Variants in ZNF783 observed in about 807,000 individuals in gnomAD.
ZNF783 encodes the protein zinc finger protein 783.
Under a neutral mutation model 31.3 loss-of-function variants are expected in ZNF783, and 25 were observed. The observed-to-expected ratio is 0.80, with a 90% CI of 0.58 to 1.11. The LOEUF is 1.11. Among genes scored for constraint, ZNF783 ranks in the 50% most tolerant of loss-of-function variants. The pLI, the probability that ZNF783 is intolerant of heterozygous loss-of-function variation, is 0.00. For synonymous variants in ZNF783, 369 were observed against 319.1 expected, an observed-to-expected ratio of 1.16 and a Z score of -1.66; for missense variants, 797 against 760.0, an observed-to-expected ratio of 1.05 and a Z score of -0.57.
chr7:149,281,185 G>A (rs1297575491), intron 5 of ZNF783, among the ~76,000 whole-genome samples: 1 of 152,212 alleles, frequency 6.6e-6, no homozygotes, highest in Non-Finnish European at 1.5e-5. Flanking sequence ...CTGTGCCCAG[G>A]GTCTCTGCTT....
intron 4 of ZNF783, among the ~76,000 whole-genome samples, chr7:149,274,706 T>G (rs529693951): frequency 1.2e-3 from 181 of 152,364 alleles, no homozygotes; most frequent in Non-Finnish European, 2.1e-3. Flanking sequence ...ATGAGTTAGC[T>G]GTAGATGTAT....
rs377453479 is a variant in ZNF783, at chr7:149,281,556, C to A, written c.854C>A (p.Pro285His). Residue 285 changes from proline (P) to histidine (H), a missense_variant, in exon 6 of 6, where the codon CCT becomes CAT. Coordinates refer to ENST00000434415, the MANE Select transcript of ZNF783 (RefSeq NM_001195220.2). ...GCACAGTCTGAAGACGAGATGACGCCTGAGCGGCTCTTTCTGGGGGTGTCC... is the reference window on the plus strand; with the variant it reads ...GCACAGTCTGAAGACGAGATGACGCATGAGCGGCTCTTTCTGGGGGTGTCC... ...TEAQSEDEMT[P>H]ERLFLGVSRG... is the part of the protein sequence containing the mutation. 8.1e-6 allele frequency: 12 copies of A among 1,487,710 alleles called. No homozygotes were observed. Among genetic ancestry groups the A allele is most frequent in the Non-Finnish European group, 1.1e-5 (12 of 1,132,288 alleles). 92.2% of individuals were successfully genotyped at this position (1,487,710 alleles called of 1,614,324 possible).
intron 5 of ZNF783, among the ~76,000 whole-genome samples, chr7:149,280,141 G>C (rs1333232571): frequency 2.5e-5 from 3 of 119,184 alleles, no homozygotes; most frequent in African/African-American, 5.9e-5. Context: ...CTGGCCGGGC[G>C]GGGGGCTGAC....
At chr7:149,269,377 T>C (rs112760702) in intron 4 of ZNF783, among the ~76,000 whole-genome samples, 5,488 of 152,342 alleles carry the variant, frequency 0.036, 170 homozygotes, top group African/African-American at 0.082. Context: ...GTTGTCAGCT[T>C]ACTCTGTTGG....
At chr7:149,281,085 GC>G (rs1199365138) in intron 5 of ZNF783, among the ~76,000 whole-genome samples, 1 of 152,200 alleles carries the variant, frequency 6.6e-6, no homozygotes, top group Non-Finnish European at 1.5e-5. Context: ...TGGTCTGGGG[GC>G]ATGCAGGGCC....
At position 149,281,519 on chromosome 7, in the gene ZNF783, A is replaced by T; in HGVS notation, c.817A>T (p.Ile273Phe). ...TCCTTTGCCAGGTGGTGGTGTGGCC[A>T]TCAAGACAGAGGCACAGTCTGAAGA... The part of the protein sequence containing the change: ...AGPEAGGGVA[I>F]KTEAQSEDEM... The change falls in exon 6 of 6, where the codon ATC becomes TTC. Residue 273 changes from isoleucine to phenylalanine, a missense_variant. Transcript: ENST00000434415. The T allele has an allele frequency of 6.9e-7, 1 of 1,451,114 alleles. No homozygotes were observed. Among genetic ancestry groups the T allele is most frequent in the South Asian group, 1.5e-5 (1 of 67,724 alleles). 89.9% of individuals were successfully genotyped at this position (1,451,114 alleles called of 1,614,324 possible). A position where few individuals can be genotyped will look rare whatever the true frequency, so the allele number is the denominator to read the frequency against.
intron 4 of ZNF783, chr7:149,276,470 T>C: frequency 1.0e-6 from 1 of 985,686 alleles, no homozygotes; most frequent in African/African-American, 1.7e-5. Flanking sequence ...GTGTAACCCG[T>C]TGGTTTATAA....
intron 4 of ZNF783, chr7:149,276,461 T>C (rs1360949172): frequency 1.6e-5 from 16 of 985,722 alleles, no homozygotes; most frequent in Non-Finnish European, 1.9e-5. Context: ...TTAGGGGCAG[T>C]GTAACCCGTT....
At position 149,282,196 on chromosome 7, in the gene ZNF783, G is replaced by T. The variant is rs1158592667; in HGVS notation, c.1494G>T (p.Gln498His). 6.2e-7 allele frequency: 1 copy of T among 1,600,254 alleles called. No homozygotes were observed. Among genetic ancestry groups the T allele is most frequent in the Non-Finnish European group, 8.5e-7 (1 of 1,179,558 alleles). The part of the protein sequence containing the change: ...HTGERPYQCP[Q>H]CGRTFNRNHH... ...GTGAGCGGCCCTACCAGTGCCCCCA[G>T]TGTGGCCGGACCTTCAACCGCAACC... The change falls in exon 6 of 6, where the codon CAG becomes CAT. Residue 498 changes from glutamine to histidine, a missense_variant. Transcript: ENST00000434415.
At chr7:149,281,460 G>T in intron 5 of ZNF783, 45 bp from the exon 6 acceptor site, 1 of 1,415,854 alleles carries the variant, frequency 7.1e-7, no homozygotes, top group South Asian at 1.6e-5. Context: ...CTGGGGGACA[G>T]GGTGGTGAGG....
chr7:149,281,361 C>G (rs1049184244), intron 5 of ZNF783, 144 bp from the exon 6 acceptor site: 2 of 572,106 alleles, frequency 3.5e-6, no homozygotes, highest in Non-Finnish European at 5.4e-6. Flanking sequence ...TGGCAGGGCT[C>G]AGTGAGCAGG....
intron 1 of ZNF783, among the ~76,000 whole-genome samples, chr7:149,264,998 AGTGGGGGAGAAG>A (rs1251551034): frequency 5.5e-5 from 8 of 145,166 alleles, no homozygotes; most frequent in African/African-American, 2.0e-4. Flanking sequence ...GAAGGCTGGA[AGTGGGGGAGAAG>A]GCTGGAAGTG....
At position 149,283,905 on chromosome 7, in the gene ZNF783, G is replaced by A. The variant is rs893613535; in HGVS notation, c.*1562G>A. The A allele has an allele frequency of 1.3e-5, 2 of 152,178 alleles. No individual in the cohort carries two copies. Among genetic ancestry groups the A allele is most frequent in the African/African-American group, 4.8e-5 (2 of 41,424 alleles). 9.4% of individuals were successfully genotyped at this position (152,178 alleles called of 1,614,324 possible). On this transcript the variant is annotated 3_prime_UTR_variant, in exon 6 of 6. Transcript: ENST00000434415. ...TTTCCTGTCAGAATCCCTCAGGAAG[G>A]ACCTTTATCTTCTGGAGTGAGTGGC... is the stretch of plus-strand genomic sequence containing the variant.
rs565916777 is a variant in ZNF783 at position 149,262,488 on chromosome 7, C to T, written c.24+131C>T. The T allele has an allele frequency of 9.7e-4, 761 of 788,562 alleles. 4 individuals carry two copies. The African/African-American group carries it at 0.013, about 13-fold the overall frequency. 48.8% of individuals were successfully genotyped at this position (788,562 alleles called of 1,614,324 possible). On this transcript the variant is annotated intron_variant, in intron 1 of 5. Coordinates refer to ENST00000434415, the MANE Select transcript of ZNF783 (RefSeq NM_001195220.2). The stretch of plus-strand genomic sequence containing the variant: ...CGCGCAGCCTCCGCGCTCGTTGCCC[C>T]CGGCCCATCGCCCAGCCCGCGTCGA...
intron 4 of ZNF783, among the ~76,000 whole-genome samples, chr7:149,269,112 G>A (rs1797153432): frequency 6.6e-6 from 1 of 152,116 alleles, no homozygotes; most frequent in South Asian, 2.1e-4. Context: ...AGCATCTGAC[G>A]GTTTTTGAGT....
intron 5 of ZNF783, among the ~76,000 whole-genome samples, 200 bp downstream of exon 5, chr7:149,278,727 A>C: frequency 6.6e-6 from 1 of 152,076 alleles, no homozygotes; most frequent in Non-Finnish European, 1.5e-5. Flanking sequence ...TGGCATTTTC[A>C]GCGTGAGAAA....
In ZNF783 at chr7:149,282,362, A is replaced by G; in HGVS notation, c.*19A>G. On this transcript the variant is annotated 3_prime_UTR_variant, in exon 6 of 6. Transcript: ENST00000434415. Reference sequence around the variant, plus strand: ...GGGCTGACCTGGCAGGAGCCCACAGAGGACCCCTGGCGGGGTCTCTCCCCT... The same window carrying G: ...GGGCTGACCTGGCAGGAGCCCACAGGGGACCCCTGGCGGGGTCTCTCCCCT... 1 of 1,469,390 alleles carries G rather than the reference A, an allele frequency of 6.8e-7. No homozygotes were observed. 91.0% of individuals were successfully genotyped at this position (1,469,390 alleles called of 1,614,324 possible). A position where few individuals can be genotyped will look rare whatever the true frequency, so the allele number is the denominator to read the frequency against.
Position 149,282,496 on chromosome 7 carries a change from T to A in ZNF783, c.*153T>A. The stretch of plus-strand genomic sequence containing the variant: ...TCTGGTGACATTGTGTGTGACCGGG[T>A]GCTTTCTGTTTCCTGTTTGCACTCT... On this transcript the variant is annotated 3_prime_UTR_variant, in exon 6 of 6. Transcript: ENST00000434415. 1.5e-6 allele frequency: 1 copy of A among 686,128 alleles called. No homozygotes were observed. The highest frequency in any genetic ancestry group is 1.9e-5 in the African/African-American group (1 of 53,902). 42.5% of individuals were successfully genotyped at this position (686,128 alleles called of 1,614,324 possible). A position where few individuals can be genotyped will look rare whatever the true frequency, so the allele number is the denominator to read the frequency against.
rs1409419677 is a variant in ZNF783 at position 149,283,816 on chromosome 7, T to A, written c.*1473T>A. Reference sequence around the variant, plus strand: ...AAAGTAACAGGCACTGGGACAAATATGAAGCCTAGCTTTGTGCTTCCTTTC... The same window carrying A: ...AAAGTAACAGGCACTGGGACAAATAAGAAGCCTAGCTTTGTGCTTCCTTTC... On this transcript the variant is annotated 3_prime_UTR_variant, in exon 6 of 6. Transcript: ENST00000434415. The A allele has an allele frequency of 6.6e-6, 1 of 152,250 alleles. No individual in the cohort carries two copies. The highest frequency in any genetic ancestry group is 1.5e-5 in the Non-Finnish European group (1 of 68,056). The allele number at this position is 152,250 out of a possible 1,614,324, so 9.4% of individuals were successfully genotyped here. A position where few individuals can be genotyped will look rare whatever the true frequency, so the allele number is the denominator to read the frequency against.
Sources: gnomAD v4.1 joint callset for allele counts (sites outside exome capture counted in the v4.1 genomes callset) on GRCh38, gnomAD v4.1.1 for gene constraint, MANE v1.5 for transcripts, NCBI Gene and HGNC (gene_info 2026-07-23, HGNC 2026-07-21) for gene names.